Variants in RYR2 observed in about 807,000 individuals in gnomAD.
The protein encoded by RYR2 is ryanodine receptor 2, also known as cardiac muscle ryanodine receptor-calcium release channel.
RYR2 carries 227 observed loss-of-function variants against 601.1 expected under a neutral mutation model. The ratio of observed to expected loss-of-function variants is 0.38; its 90% CI spans 0.34 to 0.42. RYR2 has a LOEUF of 0.42. RYR2 is among the 10% of genes least tolerant of loss of function. RYR2 has a pLI of 1.00. For missense variants in RYR2, 4,646 were observed against 6,156.5 expected (o/e 0.75, Z 8.21); for synonymous variants, 2,223 against 2,175.1 (o/e 1.02, Z -0.61).
intron 1 of RYR2, among the ~76,000 whole-genome samples, chr1:237,065,256 CT>C (rs1663423042): frequency 7.2e-6 from 1 of 138,940 alleles, no homozygotes; most frequent in Admixed American, 7.7e-5. Context: ...TCAAAGAGCT[CT>C]TGTGTGCTAT....
At chr1:237,582,361 T>C (rs56181727) in intron 29 of RYR2, among the ~76,000 whole-genome samples, 42,744 of 150,856 alleles carry the variant, frequency 0.28, 6,592 homozygotes, top group East Asian at 0.61. Context: ...CTGCCCACCT[T>C]GGCCTCCCAA....
At chr1:237,491,733 A>G (rs1411937421) in intron 17 of RYR2, 73 bp from the exon 18 acceptor site, 2 of 738,092 alleles carry the variant, frequency 2.7e-6, no homozygotes, top group African/African-American at 1.8e-5. Context: ...CCTATGTAGA[A>G]AAAGGAAGAC....
chr1:237,044,529 C>T (rs781072076), intron 1 of RYR2, among the ~76,000 whole-genome samples: 10 of 152,066 alleles, frequency 6.6e-5, no homozygotes, highest in South Asian at 2.1e-4. Flanking sequence ...ATAAGTGGGT[C>T]CTGGGTAGAG....
intron 1 of RYR2, among the ~76,000 whole-genome samples, chr1:237,138,646 C>T (rs1186392505): frequency 6.6e-6 from 1 of 152,150 alleles, no homozygotes; most frequent in African/African-American, 2.4e-5. Context: ...ATACAGTTTA[C>T]TCATTATAAA....
chr1:237,430,684 C>T (rs1164315913), intron 12 of RYR2, among the ~76,000 whole-genome samples: 1 of 152,142 alleles, frequency 6.6e-6, no homozygotes, highest in Non-Finnish European at 1.5e-5. Flanking sequence ...CACTGACATT[C>T]TGGGACATAA....
At chr1:237,164,903 T>G (rs1444025816) in intron 1 of RYR2, among the ~76,000 whole-genome samples, 1 of 152,186 alleles carries the variant, frequency 6.6e-6, no homozygotes, top group African/African-American at 2.4e-5. Flanking sequence ...GAAATAATCC[T>G]ACCCTGTGTA....
At chr1:237,595,394 G>GT in intron 33 of RYR2, 104 bp from the exon 34 acceptor site, 1 of 1,348,996 alleles carries the variant, frequency 7.4e-7, no homozygotes, top group Non-Finnish European at 1.0e-6. Context: ...ATTACAGCAT[G>GT]AGCTTGTTGC....
At chr1:237,587,999 T>C (rs1336412388) in intron 29 of RYR2, among the ~76,000 whole-genome samples, 1 of 152,264 alleles carries the variant, frequency 6.6e-6, no homozygotes, top group Admixed American at 6.5e-5. Context: ...GTCTGAGATC[T>C]ATTGTATTTA....
intron 29 of RYR2, among the ~76,000 whole-genome samples, chr1:237,585,350 G>C (rs1674412643): frequency 6.6e-6 from 1 of 152,132 alleles, no homozygotes; most frequent in Non-Finnish European, 1.5e-5. Context: ...TCATTGGATG[G>C]TTGTAAGGGT....
chr1:237,370,846 G>C (rs1366206119), intron 6 of RYR2, among the ~76,000 whole-genome samples: 1 of 151,986 alleles, frequency 6.6e-6, no homozygotes, highest in African/African-American at 2.4e-5. Flanking sequence ...ATTTTTAATA[G>C]AGACAGGGTT....
chr1:237,270,013 A>T lies in RYR2; in HGVS notation c.49-484A>T, dbSNP rs897935304. On this transcript the variant is annotated intron_variant, in intron 1 of 104. Coordinates refer to ENST00000366574, the MANE Select transcript of RYR2 (RefSeq NM_001035.3). ...TGGTTGAACTAAGATGACTTTTACC[A>T]TCACTTTGAAGTGAGAAAGTTCTGT... Among the ~76,000 whole-genome samples the T allele has an allele frequency of 2.0e-5, 3 of 152,206 alleles. No individual in the cohort carries two copies. The East Asian group carries it at 5.8e-4, about 29-fold the overall frequency.
At chr1:237,623,305 G>A (rs1021570661) in intron 38 of RYR2, among the ~76,000 whole-genome samples, 10 of 149,010 alleles carry the variant, frequency 6.7e-5, no homozygotes, top group African/African-American at 2.2e-4. Context: ...AATAATTTAT[G>A]AACAATCAGA....
At chr1:237,233,534 T>C (rs922718567) in intron 1 of RYR2, among the ~76,000 whole-genome samples, 5 of 152,150 alleles carry the variant, frequency 3.3e-5, no homozygotes, top group Non-Finnish European at 4.4e-5. Context: ...TTATACTCTG[T>C]TTTTCTTGAG....
At chr1:237,693,447 T>C (rs562401290) in intron 63 of RYR2, among the ~76,000 whole-genome samples, 1 of 152,274 alleles carries the variant, frequency 6.6e-6, no homozygotes, top group Non-Finnish European at 1.5e-5. Flanking sequence ...TAGTGAGACA[T>C]TGAATGACCT....
At chr1:237,446,614 T>C (rs1460036081) in intron 14 of RYR2, among the ~76,000 whole-genome samples, 1 of 152,170 alleles carries the variant, frequency 6.6e-6, no homozygotes, top group African/African-American at 2.4e-5. Context: ...TTCTACTTCT[T>C]TTATAAACCA....
chr1:237,663,565 C>T (rs1333322786), intron 56 of RYR2, among the ~76,000 whole-genome samples: 2 of 152,164 alleles, frequency 1.3e-5, no homozygotes, highest in African/African-American at 4.8e-5. Context: ...GTATCGTGAG[C>T]TTGGGTAAAC....
intron 24 of RYR2, among the ~76,000 whole-genome samples, chr1:237,523,852 C>A (rs1667326068): frequency 6.6e-6 from 1 of 151,816 alleles, no homozygotes; most frequent in Non-Finnish European, 1.5e-5. Flanking sequence ...CAAATTAAAA[C>A]CATAAGAAGA....
chr1:237,101,318 A>C (rs72764039), intron 1 of RYR2, among the ~76,000 whole-genome samples: 9,467 of 144,088 alleles, frequency 0.066, 428 homozygotes, highest in African/African-American at 0.11. Flanking sequence ...AAAAAAAAAA[A>C]AAAAAACCTC....
chr1:237,778,553 G>T (rs1230605573), intron 87 of RYR2, 113 bp from the exon 88 acceptor site: 3 of 497,414 alleles, frequency 6.0e-6, no homozygotes, highest in East Asian at 6.1e-5. Flanking sequence ...TTCAGATAAC[G>T]TGCTAGCAGT....
Sources: gnomAD v4.1 joint callset for allele counts (sites outside exome capture counted in the v4.1 genomes callset) on GRCh38, gnomAD v4.1.1 for gene constraint, MANE v1.5 for transcripts, NCBI Gene and HGNC (gene_info 2026-07-23, HGNC 2026-07-21) for gene names.